CTNNA1: variants seen among roughly 807,000 people sequenced by gnomAD.
The protein encoded by CTNNA1 is catenin alpha-1.
CTNNA1 carries 37 observed loss-of-function variants against 98.4 expected under a neutral mutation model. That is an observed-to-expected ratio of 0.38 (90% confidence interval 0.29 to 0.49). The LOEUF (loss-of-function observed/expected upper bound fraction) is 0.49. Ranked by LOEUF, CTNNA1 falls within the 20% of genes least tolerant of loss-of-function variation. The pLI is 0.95. For synonymous variants in CTNNA1, 404 were observed against 413.2 expected, an observed-to-expected ratio of 0.98 and a Z score of 0.27; for missense variants, 761 against 1,147.2, an observed-to-expected ratio of 0.66 and a Z score of 4.86.
chr5:138,788,230 G>T (rs1755937159), intron 3 of CTNNA1, among the ~76,000 whole-genome samples: 1 of 151,990 alleles, frequency 6.6e-6, no homozygotes, highest in Non-Finnish European at 1.5e-5. Context: ...TGCTGGTCTG[G>T]TGACCATTCT....
At chr5:138,817,374 A>G (rs1759538140) in intron 5 of CTNNA1, among the ~76,000 whole-genome samples, 1 of 152,166 alleles carries the variant, frequency 6.6e-6, no homozygotes, top group Non-Finnish European at 1.5e-5. Flanking sequence ...CCTTGGGTGT[A>G]TAACTACCCA....
intron 9 of CTNNA1, among the ~76,000 whole-genome samples, chr5:138,898,427 G>C (rs423469): frequency 0.37 from 56,157 of 151,726 alleles, 11,597 homozygotes; most frequent in African/African-American, 0.58. Flanking sequence ...AATGTTTAGA[G>C]AGTACCTTTG....
chr5:138,895,912 T>C (rs943318739), intron 9 of CTNNA1, among the ~76,000 whole-genome samples: 2 of 152,200 alleles, frequency 1.3e-5, no homozygotes, highest in Non-Finnish European at 2.9e-5. Flanking sequence ...GGAAATCTTA[T>C]CTGTTGCTTT....
intron 12 of CTNNA1, 59 bp downstream of exon 12, chr5:138,924,769 A>G: frequency 7.0e-7 from 1 of 1,432,148 alleles, no homozygotes; most frequent in Non-Finnish European, 9.6e-7. Context: ...GAGGCAGGCC[A>G]CCCCATTAGC....
At chr5:138,792,195 C>A (rs143714370) in intron 3 of CTNNA1, among the ~76,000 whole-genome samples, 12 of 152,244 alleles carry the variant, frequency 7.9e-5, no homozygotes, top group African/African-American at 2.9e-4. Context: ...AATGTGTACA[C>A]ACATGTATGT....
At chr5:138,919,998 C>T (rs1007456337) in intron 11 of CTNNA1, among the ~76,000 whole-genome samples, 5 of 104,884 alleles carry the variant, frequency 4.8e-5, no homozygotes, top group East Asian at 3.0e-4. Context: ...TTTTTTGAGA[C>T]GGAGCTTTGC....
At chr5:138,829,037 G>A (rs4835706) in intron 7 of CTNNA1, among the ~76,000 whole-genome samples, 105,130 of 152,012 alleles carry the variant, frequency 0.69, 36,502 homozygotes, top group East Asian at 0.93. Context: ...CGGAAGAATC[G>A]CTTAAGCCTG....
At chr5:138,885,283 G>A (rs948409079) in intron 7 of CTNNA1, among the ~76,000 whole-genome samples, 1 of 152,158 alleles carries the variant, frequency 6.6e-6, no homozygotes, top group Non-Finnish European at 1.5e-5. Flanking sequence ...TCCAAAGGGA[G>A]AACAATGGGC....
chr5:138,848,355 T>A (rs1374014129), intron 7 of CTNNA1, among the ~76,000 whole-genome samples: 1 of 152,270 alleles, frequency 6.6e-6, no homozygotes, highest in Non-Finnish European at 1.5e-5. Context: ...CTATAACTAA[T>A]AATTTATATT....
intron 11 of CTNNA1, among the ~76,000 whole-genome samples, chr5:138,920,456 G>T (rs545416934): frequency 1.3e-5 from 2 of 152,220 alleles, no homozygotes; most frequent in Non-Finnish European, 2.9e-5. Context: ...AAAGCATAGC[G>T]GTGCTTTGGT....
intron 7 of CTNNA1, chr5:138,875,172 A>G (rs552128038): frequency 5.1e-6 from 2 of 389,426 alleles, no homozygotes; most frequent in Non-Finnish European, 9.1e-6. Context: ...CTCCACCTCT[A>G]ACTGCTCAGC....
At chr5:138,819,180 T>C (rs1759757118) in intron 5 of CTNNA1, among the ~76,000 whole-genome samples, 1 of 152,052 alleles carries the variant, frequency 6.6e-6, no homozygotes, top group Admixed American at 6.5e-5. Context: ...GCCTAGAGGA[T>C]GAGGCACCAT....
chr5:138,770,348 G>A (rs1292660436), intron 1 of CTNNA1, among the ~76,000 whole-genome samples: 1 of 152,146 alleles, frequency 6.6e-6, no homozygotes, highest in Non-Finnish European at 1.5e-5. Context: ...AGGGCTTGAT[G>A]CAGCTTTCTA....
chr5:138,769,908 G>A (rs1344097695), intron 1 of CTNNA1, among the ~76,000 whole-genome samples: 2 of 151,532 alleles, frequency 1.3e-5, no homozygotes, highest in Non-Finnish European at 2.9e-5. Flanking sequence ...GTGCAATGGC[G>A]TGATCTCGGC....
intron 1 of CTNNA1, among the ~76,000 whole-genome samples, chr5:138,770,961 A>C (rs1443425880): frequency 2.1e-4 from 32 of 151,958 alleles, no homozygotes; most frequent in Admixed American, 1.4e-3. Context: ...AAAAAAAAAA[A>C]AAAACACAAA....
At chr5:138,767,204 T>A (rs935600718) in intron 1 of CTNNA1, among the ~76,000 whole-genome samples, 2 of 151,940 alleles carry the variant, frequency 1.3e-5, no homozygotes, top group Non-Finnish European at 2.9e-5. Context: ...CCTGGCTAAT[T>A]TTTTGTATTT....
chr5:138,824,470 T>A (rs996332746), intron 5 of CTNNA1, 60 bp from the exon 6 acceptor site: 1 of 1,546,848 alleles, frequency 6.5e-7, no homozygotes, highest in African/African-American at 1.4e-5. Flanking sequence ...CAGCAAATTT[T>A]TATATGAGTA....
At chr5:138,922,842 A>G (rs1446371298) in intron 11 of CTNNA1, among the ~76,000 whole-genome samples, 1 of 150,478 alleles carries the variant, frequency 6.6e-6, no homozygotes, top group Non-Finnish European at 1.5e-5. Flanking sequence ...TGAAGTGGGG[A>G]ATATTACTCT....
intron 3 of CTNNA1, among the ~76,000 whole-genome samples, chr5:138,793,462 C>T (rs908446201): frequency 6.6e-6 from 1 of 152,120 alleles, no homozygotes; most frequent in African/African-American, 2.4e-5. Flanking sequence ...TTCATTTTTT[C>T]CCCTTTTATT....
Sources: gnomAD v4.1 joint callset for allele counts (sites outside exome capture counted in the v4.1 genomes callset) on GRCh38, gnomAD v4.1.1 for gene constraint, MANE v1.5 for transcripts, NCBI Gene and HGNC (gene_info 2026-07-23, HGNC 2026-07-21) for gene names.